The following FAM135A variants were observed in gnomAD, a reference collection of about 807,000 sequenced individuals.
FAM135A encodes the protein family with sequence similarity 135 member A, also known as protein FAM135A.
A neutral mutation model predicts 146.8 loss-of-function variants in FAM135A; 79 were observed. That is an observed-to-expected ratio of 0.54 (90% CI 0.45 to 0.65). The LOEUF (loss-of-function observed/expected upper bound fraction) is 0.65. FAM135A is among the 30% of genes least tolerant of loss of function. The pLI, the probability that FAM135A is intolerant of heterozygous loss-of-function variation, is 0.00. For synonymous variants in FAM135A, 562 were observed against 603.6 expected (o/e 0.93, Z 1.01); for missense variants, 1,623 against 1,758.2 (o/e 0.92, Z 1.38).
intron 20 of FAM135A, among the ~76,000 whole-genome samples, chr6:70,543,615 GCTT>G (rs1258341944): frequency 2.0e-5 from 3 of 151,992 alleles, no homozygotes; most frequent in Non-Finnish European, 4.4e-5. Flanking sequence ...CATGGCATAT[GCTT>G]CTTATGTGAG....
Position 70,525,291 on chromosome 6 carries a change from T to A in FAM135A, c.2207T>A (p.Leu736Gln), listed in dbSNP as rs749401214. ...TCATTAACTAAATTACGAAGTAATC[T>A]ACCTGCCCCTTCTACAAAAGAATAT... ...GESLTKLRSNLPAPSTKEYHV... is the reference protein window; with the variant it reads ...GESLTKLRSNQPAPSTKEYHV... Residue 736 changes from leucine (L) to glutamine (Q), a missense_variant, in exon 15 of 22, where the codon CTA (leucine) becomes CAA (glutamine). Coordinates refer to ENST00000418814, the MANE Select transcript of FAM135A (RefSeq NM_001162529.3). 2 of 1,605,986 alleles carry A rather than the reference T, an allele frequency of 1.2e-6. No individual in the cohort carries two copies. Among genetic ancestry groups the A allele is most frequent in the South Asian group, 2.2e-5 (2 of 89,256 alleles).
At chr6:70,488,452 T>C (rs145606572) in intron 10 of FAM135A, among the ~76,000 whole-genome samples, 35 of 115,316 alleles carry the variant, frequency 3.0e-4, no homozygotes, top group African/African-American at 1.0e-3. Context: ...CTTGGATTAG[T>C]AATAAGAGCC....
intron 12 of FAM135A, among the ~76,000 whole-genome samples, chr6:70,518,516 T>C (rs1561956469): frequency 6.6e-6 from 1 of 152,216 alleles, no homozygotes; most frequent in Non-Finnish European, 1.5e-5. Context: ...AACAGCCTTC[T>C]AGTAGAAGAA....
intron 4 of FAM135A, among the ~76,000 whole-genome samples, chr6:70,445,544 C>G (rs1448307603): frequency 6.6e-6 from 1 of 152,120 alleles, no homozygotes; most frequent in African/African-American, 2.4e-5. Context: ...TCTATAAATA[C>G]TAGATTAACT....
intron 1 of FAM135A, 128 bp from the exon 2 acceptor site, chr6:70,415,163 C>T (rs1767283407): frequency 6.6e-6 from 1 of 152,054 alleles, no homozygotes. Context: ...TAATTTTTTT[C>T]CTCCATTGCA....
chr6:70,495,605 C>T (rs765046478), intron 11 of FAM135A, among the ~76,000 whole-genome samples: 3 of 152,110 alleles, frequency 2.0e-5, no homozygotes, highest in Non-Finnish European at 4.4e-5. Context: ...GATACACACA[C>T]ACATACACAT....
At chr6:70,472,841 A>G (rs980769650) in intron 5 of FAM135A, among the ~76,000 whole-genome samples, 4 of 152,196 alleles carry the variant, frequency 2.6e-5, no homozygotes, top group Non-Finnish European at 5.9e-5. Context: ...TTTGACAGGA[A>G]TATCTCAGAA....
intron 5 of FAM135A, among the ~76,000 whole-genome samples, chr6:70,459,416 A>G (rs1778984476): frequency 6.6e-6 from 1 of 152,166 alleles, no homozygotes; most frequent in Non-Finnish European, 1.5e-5. Flanking sequence ...TGACAGTGAG[A>G]GGTTCGAGTC....
chr6:70,445,036 C>T (rs1442319834), intron 4 of FAM135A, among the ~76,000 whole-genome samples: 1 of 152,122 alleles, frequency 6.6e-6, no homozygotes, highest in Non-Finnish European at 1.5e-5. Flanking sequence ...TCATAGTGTG[C>T]ATATTCTTTA....
chr6:70,502,051 A>G (rs956762393), intron 11 of FAM135A, among the ~76,000 whole-genome samples: 3 of 152,198 alleles, frequency 2.0e-5, no homozygotes, highest in African/African-American at 7.2e-5. Flanking sequence ...GTGTTCAATA[A>G]ATAGCAAGTG....
chr6:70,469,709 G>A (rs561039711), intron 5 of FAM135A, among the ~76,000 whole-genome samples: 16 of 152,034 alleles, frequency 1.1e-4, no homozygotes, highest in African/African-American at 3.4e-4. Flanking sequence ...GATGAGAAAA[G>A]AACAGCACCC....
chr6:70,550,863 T>C (rs539868281), intron 20 of FAM135A, among the ~76,000 whole-genome samples: 3 of 152,366 alleles, frequency 2.0e-5, no homozygotes, highest in African/African-American at 4.8e-5. Context: ...TCTTGTCATA[T>C]ACCTTAGCTA....
chr6:70,543,150 C>G (rs1310283020), intron 20 of FAM135A, among the ~76,000 whole-genome samples: 1 of 152,062 alleles, frequency 6.6e-6, no homozygotes, highest in African/African-American at 2.4e-5. Flanking sequence ...TATTCAAAAA[C>G]AGTTTAAATA....
intron 19 of FAM135A, among the ~76,000 whole-genome samples, chr6:70,537,011 C>T (rs1244492430): frequency 6.6e-6 from 1 of 150,460 alleles, no homozygotes; most frequent in African/African-American, 2.5e-5. Flanking sequence ...TCTCGGCTCA[C>T]TGCAACTTTT....
chr6:70,415,399 C>T (rs1242501551), intron 2 of FAM135A, 23 bp downstream of exon 2: 1 of 151,824 alleles, frequency 6.6e-6, no homozygotes, highest in African/African-American at 2.4e-5. Context: ...TTTTCTGTTT[C>T]TGTTTTAAGA....
At chr6:70,415,107 G>A (rs571262361) in intron 1 of FAM135A, among the ~76,000 whole-genome samples, 184 bp from the exon 2 acceptor site, 29 of 152,160 alleles carry the variant, frequency 1.9e-4, no homozygotes, top group Non-Finnish European at 2.6e-4. Flanking sequence ...TACGTGAGAA[G>A]TATTAAATTT....
At chr6:70,533,670 C>A in intron 17 of FAM135A, 87 bp from the exon 18 acceptor site, 1 of 787,332 alleles carries the variant, frequency 1.3e-6, no homozygotes, top group East Asian at 3.1e-5. Flanking sequence ...ACTTTCAGTA[C>A]CTAAATTAAA....
intron 12 of FAM135A, among the ~76,000 whole-genome samples, chr6:70,511,509 A>C (rs949345414): frequency 6.6e-6 from 1 of 151,894 alleles, no homozygotes; most frequent in Non-Finnish European, 1.5e-5. Context: ...TCTAATCTCA[A>C]TTTAATTAGT....
chr6:70,426,075 A>G (rs909321119), intron 2 of FAM135A, among the ~76,000 whole-genome samples: 2 of 150,894 alleles, frequency 1.3e-5, no homozygotes, highest in Admixed American at 6.6e-5. Context: ...TGCAGTCCGC[A>G]GTCTGGCCTG....
Sources: allele counts gnomAD v4.1 joint callset (sites outside exome capture counted in the v4.1 genomes callset), GRCh38; gene constraint gnomAD v4.1.1; transcripts MANE v1.5; gene names NCBI Gene and HGNC (gene_info 2026-07-23, HGNC 2026-07-21).